The following MIPEP variants were observed in gnomAD, a reference collection of about 807,000 sequenced individuals.
The protein encoded by MIPEP is mitochondrial intermediate peptidase.
A neutral mutation model predicts 90.3 loss-of-function variants in MIPEP; 79 were observed. The observed-to-expected ratio is 0.87, with a 90% CI of 0.73 to 1.05. The LOEUF is 1.05. Among genes scored for constraint, MIPEP ranks in the 50% least tolerant of loss-of-function variants. The probability of loss-of-function intolerance (pLI) is 0.00; values close to 1 mark genes in which losing one functional copy is unlikely to be tolerated. For synonymous variants in MIPEP, 334 were observed against 315.8 expected (o/e 1.06, Z -0.61); for missense variants, 940 against 905.6 (o/e 1.04, Z -0.49).
intron 16 of MIPEP, among the ~76,000 whole-genome samples, chr13:23,787,441 G>C (rs201261871): frequency 2.6e-5 from 4 of 152,052 alleles, no homozygotes; most frequent in East Asian, 3.9e-4. Context: ...CAGAGAGAGA[G>C]AGAGCACAGC....
intron 5 of MIPEP, among the ~76,000 whole-genome samples, chr13:23,871,172 C>T (rs1031686723): frequency 3.3e-5 from 5 of 152,212 alleles, no homozygotes; most frequent in Non-Finnish European, 7.3e-5. Flanking sequence ...GGTCCTTGCT[C>T]CTGCCAGGCC....
At chr13:23,823,355 T>C (rs1431306721) in intron 14 of MIPEP, among the ~76,000 whole-genome samples, 1 of 152,212 alleles carries the variant, frequency 6.6e-6, no homozygotes, top group Non-Finnish European at 1.5e-5. Flanking sequence ...AGGTGACAAT[T>C]AGTTAATGAA....
intron 16 of MIPEP, among the ~76,000 whole-genome samples, chr13:23,786,538 GATAA>G: frequency 6.6e-6 from 1 of 151,760 alleles, no homozygotes; most frequent in South Asian, 2.1e-4. Context: ...TATCAAGAAG[GATAA>G]ATGATTAACA....
chr13:23,878,577 CTG>C (rs1316250490), intron 4 of MIPEP, among the ~76,000 whole-genome samples: 2 of 152,210 alleles, frequency 1.3e-5, no homozygotes, highest in Non-Finnish European at 2.9e-5. Flanking sequence ...AAAAATTAAT[CTG>C]TGTTATGACA....
At chr13:23,814,382 G>A (rs985319897) in intron 14 of MIPEP, among the ~76,000 whole-genome samples, 8 of 152,066 alleles carry the variant, frequency 5.3e-5, no homozygotes, top group East Asian at 1.9e-4. Flanking sequence ...TCAGCCTCCC[G>A]AGTAGAGTAG....
intron 16 of MIPEP, among the ~76,000 whole-genome samples, chr13:23,780,499 G>A (rs1952769569): frequency 1.3e-5 from 2 of 152,276 alleles, no homozygotes; most frequent in Admixed American, 1.3e-4. Flanking sequence ...CCACAAAGAT[G>A]AGGAAAAAAC....
chr13:23,795,825 A>AT (rs1170560752), intron 16 of MIPEP, among the ~76,000 whole-genome samples: 3 of 91,342 alleles, frequency 3.3e-5, no homozygotes, highest in Non-Finnish European at 5.1e-5. Flanking sequence ...CCTCATCTCT[A>AT]CCAAAAAAAA....
At chr13:23,769,497 C>A (rs558881206) in intron 16 of MIPEP, among the ~76,000 whole-genome samples, 41 of 152,276 alleles carry the variant, frequency 2.7e-4, no homozygotes, top group African/African-American at 9.6e-4. Context: ...AGGACAGTAA[C>A]TTCTCAATGG....
At chr13:23,851,700 C>CT (rs11483802) in intron 10 of MIPEP, among the ~76,000 whole-genome samples, 145,127 of 148,424 alleles carry the variant, frequency 0.98, 71,010 homozygotes, top group East Asian at 1. Flanking sequence ...TTTTAATTTT[C>CT]TTTTTTTTTT....
intron 18 of MIPEP, among the ~76,000 whole-genome samples, chr13:23,752,208 TACATA>T (rs1008124879): frequency 6.6e-6 from 1 of 152,206 alleles, no homozygotes; most frequent in Non-Finnish European, 1.5e-5. Context: ...CTAAAAATTT[TACATA>T]ACATAAAACA....
At chr13:23,867,200 C>T (rs1870580578) in intron 7 of MIPEP, among the ~76,000 whole-genome samples, 1 of 152,158 alleles carries the variant, frequency 6.6e-6, no homozygotes, top group Admixed American at 6.5e-5. Flanking sequence ...CAAGTCTCTA[C>T]TTAATGCCGC....
intron 14 of MIPEP, among the ~76,000 whole-genome samples, chr13:23,834,863 CCTCT>C (rs1358590197): frequency 3.9e-5 from 6 of 151,976 alleles, no homozygotes; most frequent in African/African-American, 1.5e-4. Context: ...GTAGGGTATG[CCTCT>C]CTATGTTATT....
intron 14 of MIPEP, among the ~76,000 whole-genome samples, chr13:23,817,380 G>A (rs777945646): frequency 3.5e-4 from 53 of 152,122 alleles, no homozygotes; most frequent in Non-Finnish European, 5.9e-4. Flanking sequence ...AGTTTGGTCA[G>A]TCGAGTGAGA....
At chr13:23,849,787 A>G (rs1029841737) in intron 10 of MIPEP, among the ~76,000 whole-genome samples, 1 of 152,252 alleles carries the variant, frequency 6.6e-6, no homozygotes, top group African/African-American at 2.4e-5. Flanking sequence ...TGTAAACTGA[A>G]TTTTAAAAAA....
intron 6 of MIPEP, 116 bp from the exon 7 acceptor site, chr13:23,869,564 A>G: frequency 1.0e-6 from 1 of 989,744 alleles, no homozygotes; most frequent in Non-Finnish European, 1.4e-6. Flanking sequence ...TTTCAAAATA[A>G]AGCAATGGTC....
At chr13:23,748,835 C>G in intron 18 of MIPEP, among the ~76,000 whole-genome samples, 1 of 152,162 alleles carries the variant, frequency 6.6e-6, no homozygotes, top group Middle Eastern at 3.2e-3. Context: ...TACCTGGAGG[C>G]ACAGATGCTG....
intron 15 of MIPEP, among the ~76,000 whole-genome samples, chr13:23,808,023 T>C (rs948656638): frequency 6.6e-6 from 1 of 152,094 alleles, no homozygotes; most frequent in Non-Finnish European, 1.5e-5. Flanking sequence ...AAGAAACTTA[T>C]TAAGTCACAG....
At chr13:23,846,773 T>A (rs1457343689) in intron 10 of MIPEP, among the ~76,000 whole-genome samples, 2 of 152,176 alleles carry the variant, frequency 1.3e-5, no homozygotes, top group African/African-American at 4.8e-5. Context: ...ATTGCAAATA[T>A]GTTGCCCATT....
At chr13:23,788,668 C>A (rs772338411) in intron 16 of MIPEP, among the ~76,000 whole-genome samples, 4 of 152,220 alleles carry the variant, frequency 2.6e-5, no homozygotes, top group Non-Finnish European at 4.4e-5. Context: ...CTAGTGACAA[C>A]CACATGATGC....
Sources: allele counts gnomAD v4.1 joint callset (sites outside exome capture counted in the v4.1 genomes callset), GRCh38; gene constraint gnomAD v4.1.1; transcripts MANE v1.5; gene names NCBI Gene and HGNC (gene_info 2026-07-23, HGNC 2026-07-21).